The following MARCHF2 variants were observed in gnomAD, a reference collection of about 807,000 sequenced individuals.
MARCHF2 encodes the protein E3 ubiquitin-protein ligase MARCHF2.
In MARCHF2, 22 loss-of-function variants were observed where a neutral mutation model predicts 24.0. The observed-to-expected ratio is 0.92, with a 90% CI of 0.66 to 1.31. The LOEUF is 1.31. Ranked by LOEUF, MARCHF2 falls within the 50% of genes most tolerant of loss-of-function variation. The probability of loss-of-function intolerance (pLI) is 0.00; values close to 1 mark genes in which losing one functional copy is unlikely to be tolerated. For missense variants in MARCHF2, 301 were observed against 335.3 expected (o/e 0.90, Z 0.80); for synonymous variants, 154 against 153.0 (o/e 1.01, Z -0.05).
In MARCHF2 at chr19:8,438,198, T is replaced by C. The variant is rs566160722; in HGVS notation, c.583-190T>C. Among the ~76,000 whole-genome samples, 4 of 152,286 alleles carry C rather than the reference T, an allele frequency of 2.6e-5. No individual in the cohort carries two copies. The South Asian group carries it at 8.3e-4, about 32-fold the overall frequency. On this transcript the variant is annotated intron_variant, in intron 4 of 4. Coordinates refer to ENST00000215555, the MANE Select transcript of MARCHF2 (RefSeq NM_001005415.2). ...CTTGTCTTTGCAGGACTCTGGAAGC[T>C]GGTGGGTGTCACCAGGAGTGTGAAT...
At chr19:8,419,579 G>A (rs2145538450) in intron 1 of MARCHF2, among the ~76,000 whole-genome samples, 1 of 151,788 alleles carries the variant, frequency 6.6e-6, no homozygotes, top group African/African-American at 2.4e-5. Flanking sequence ...CACTTTGGGA[G>A]GCCGAGGCGG....
chr19:8,416,608 G>A (rs983021919), intron 1 of MARCHF2, among the ~76,000 whole-genome samples: 3 of 152,074 alleles, frequency 2.0e-5, no homozygotes, highest in Non-Finnish European at 4.4e-5. Context: ...CTTGCTCTGT[G>A]GCCCAGGCTG....
In MARCHF2 at chr19:8,430,927, C is replaced by T. The variant is rs1473437251; in HGVS notation, c.582+60C>T. On this transcript the variant is annotated intron_variant, in intron 4 of 4. Transcript: ENST00000215555. This position sits in a 1 kb window ranked among gnomAD's most constrained non-coding sequence, Gnocchi z 4.4. ...GCTCTGCCGCTGGGAGCAGCAGGGC[C>T]AAGGATTTGGCCCCTGGCTTGTGGG... The T allele has an allele frequency of 2.7e-6, 4 of 1,495,794 alleles. No individual in the cohort carries two copies. In the Admixed American group the frequency reaches 6.1e-5, roughly 23 times the overall value. 92.7% of individuals were successfully genotyped at this position (1,495,794 alleles called of 1,614,324 possible). A position where few individuals can be genotyped will look rare whatever the true frequency, so the allele number is the denominator to read the frequency against.
chr19:8,437,204 T>C (rs144894102), intron 4 of MARCHF2, among the ~76,000 whole-genome samples: 1 of 152,068 alleles, frequency 6.6e-6, no homozygotes, highest in East Asian at 1.9e-4. Flanking sequence ...GGCCTTCGAC[T>C]CCTGAGCTCA....
chr19:8,419,775 C>A (rs1967180064), intron 1 of MARCHF2, among the ~76,000 whole-genome samples: 2 of 142,504 alleles, frequency 1.4e-5, no homozygotes, highest in South Asian at 4.3e-4. Context: ...GAGATCAGGC[C>A]ACTGCACTCC....
intron 2 of MARCHF2, 53 bp from the exon 3 acceptor site, chr19:8,426,556 A>G (rs1179174026): frequency 5.5e-6 from 8 of 1,460,636 alleles, no homozygotes; most frequent in Non-Finnish European, 7.6e-6. Context: ...GTAGTGAAGC[A>G]GGTATAGACA....
intron 4 of MARCHF2, among the ~76,000 whole-genome samples, chr19:8,434,967 A>G (rs1416793390): frequency 2.0e-5 from 3 of 151,832 alleles, no homozygotes; most frequent in Admixed American, 2.0e-4. Flanking sequence ...TGGCCTTCCA[A>G]AATGCTGGGA....
At chr19:8,419,165 A>G (rs1967160199) in intron 1 of MARCHF2, among the ~76,000 whole-genome samples, 1 of 151,986 alleles carries the variant, frequency 6.6e-6, no homozygotes, top group Non-Finnish European at 1.5e-5. Flanking sequence ...GTTTGAGACC[A>G]TCCTGGCCAA....
At position 8,426,687 on chromosome 19, in the gene MARCHF2, G is replaced by A. The variant is rs775527128; in HGVS notation, c.255G>A (p.Thr85=). The A allele has an allele frequency of 5.6e-6, 9 of 1,613,756 alleles. No homozygotes were observed. The highest frequency in any genetic ancestry group is 2.7e-5 in the African/African-American group (2 of 74,912). ...TGTCCCCGTGTGGCTGCACCGGCAC[G>A]CTGGGTGCCGTGCATAAGAGCTGTC... ...CLLSPCGCTG[T]LGAVHKSCLE... Residue 85 remains threonine (T), a synonymous_variant, in exon 3 of 5, where the codon ACG becomes ACA. Coordinates refer to ENST00000215555, the MANE Select transcript of MARCHF2 (RefSeq NM_001005415.2).
intron 1 of MARCHF2, among the ~76,000 whole-genome samples, chr19:8,417,360 C>T (rs1967110310): frequency 6.6e-6 from 1 of 152,172 alleles, no homozygotes; most frequent in South Asian, 2.1e-4. Flanking sequence ...AGGAGAATTG[C>T]TTGAACCCAG....
At chr19:8,433,404 C>G (rs142636565) in intron 4 of MARCHF2, among the ~76,000 whole-genome samples, 1 of 151,478 alleles carries the variant, frequency 6.6e-6, no homozygotes, top group Non-Finnish European at 1.5e-5. Flanking sequence ...ATTGGCCAGG[C>G]ACGGTGGCTC....
chr19:8,429,478 A>AATTATT (rs1460004320), intron 3 of MARCHF2, among the ~76,000 whole-genome samples: 239 of 107,024 alleles, frequency 2.2e-3, no homozygotes, highest in Non-Finnish European at 3.6e-3. Context: ...AAATGAAAGA[A>AATTATT]CTTATTATTA....
intron 1 of MARCHF2, chr19:8,418,495 T>TTTTG (rs1310118841): frequency 6.5e-6 from 1 of 154,110 alleles, no homozygotes; most frequent in Non-Finnish European, 1.4e-5. Context: ...AGATTTGTTT[T>TTTTG]TTTGTTTGTT....
intron 4 of MARCHF2, among the ~76,000 whole-genome samples, chr19:8,437,964 T>C (rs748674947): frequency 6.6e-6 from 1 of 152,070 alleles, no homozygotes. Flanking sequence ...GGTTTCTCCA[T>C]GTTGCCCAGG....
chr19:8,416,752 A>G (rs2145531935), intron 1 of MARCHF2, among the ~76,000 whole-genome samples: 1 of 152,004 alleles, frequency 6.6e-6, no homozygotes, highest in African/African-American at 2.4e-5. Flanking sequence ...TTTTTTGTAG[A>G]GACGGGGTCT....
intron 3 of MARCHF2, among the ~76,000 whole-genome samples, chr19:8,429,995 C>T (rs1318449044): frequency 6.6e-6 from 1 of 151,836 alleles, no homozygotes; most frequent in African/African-American, 2.4e-5. Flanking sequence ...CCTCAGTTTC[C>T]CCATCTGTAA....
chr19:8,419,007 C>G (rs1257732920), intron 1 of MARCHF2, among the ~76,000 whole-genome samples: 1 of 151,978 alleles, frequency 6.6e-6, no homozygotes, highest in East Asian at 1.9e-4. Flanking sequence ...ATCCTTGGCT[C>G]CAGGGCACCT....
chr19:8,432,661 C>T (rs1176128255), intron 4 of MARCHF2, among the ~76,000 whole-genome samples: 1 of 151,584 alleles, frequency 6.6e-6, no homozygotes, highest in Non-Finnish European at 1.5e-5. Context: ...CATGGTGGCA[C>T]ATGCCTGTAG....
chr19:8,417,729 C>T (rs1425562198), intron 1 of MARCHF2, among the ~76,000 whole-genome samples: 5 of 141,200 alleles, frequency 3.5e-5, no homozygotes, highest in Admixed American at 2.2e-4. Context: ...TGAGCCACTA[C>T]GCCCGGCCAA....
Sources: allele counts gnomAD v4.1 joint callset (sites outside exome capture counted in the v4.1 genomes callset), GRCh38; gene constraint gnomAD v4.1.1; non-coding constraint Gnocchi (gnomAD v3.1); transcripts MANE v1.5; gene names NCBI Gene and HGNC (gene_info 2026-07-23, HGNC 2026-07-21).